The following DAB2IP variants were observed in gnomAD, a reference collection of about 807,000 sequenced individuals.
DAB2IP encodes DAB2 interacting protein.
DAB2IP carries 28 observed loss-of-function variants against 107.2 expected under a neutral mutation model. The ratio of observed to expected loss-of-function variants is 0.26; its 90% CI spans 0.19 to 0.36. The LOEUF (loss-of-function observed/expected upper bound fraction) is 0.36. DAB2IP is among the 10% of genes least tolerant of loss of function. The probability of loss-of-function intolerance (pLI) is 1.00; values close to 1 mark genes in which losing one functional copy is unlikely to be tolerated. For missense variants in DAB2IP, 1,400 were observed against 1,644.7 expected, an observed-to-expected ratio of 0.85 and a Z score of 2.57; for synonymous variants, 755 against 706.4, an observed-to-expected ratio of 1.07 and a Z score of -1.09.
intron 3 of DAB2IP, among the ~76,000 whole-genome samples, chr9:121,755,618 T>C (rs1833424251): frequency 6.6e-6 from 1 of 152,174 alleles, no homozygotes; most frequent in Non-Finnish European, 1.5e-5. Context: ...GGGAGGGCTC[T>C]TATGCTCAGA....
chr9:121,756,519 T>C (rs1415504917), intron 3 of DAB2IP, among the ~76,000 whole-genome samples: 1 of 152,206 alleles, frequency 6.6e-6, no homozygotes, highest in African/African-American at 2.4e-5. Context: ...CTCGTGTGGG[T>C]CTGCTGGTGT....
At chr9:121,575,840 G>A (rs1407145011) in intron 1 of DAB2IP, among the ~76,000 whole-genome samples, 1 of 152,164 alleles carries the variant, frequency 6.6e-6, no homozygotes, top group Admixed American at 6.5e-5. Flanking sequence ...TCCTCCCAAG[G>A]TCTCAACTCT....
At chr9:121,766,846 GT>G in intron 9 of DAB2IP, 116 bp downstream of exon 9, 1 of 1,040,512 alleles carries the variant, frequency 9.6e-7, no homozygotes, top group Non-Finnish European at 1.4e-6. Context: ...CCCTGGTTTT[GT>G]CCCTGTCATC....
chr9:121,717,474 C>T (rs914586830), intron 3 of DAB2IP, among the ~76,000 whole-genome samples: 1 of 152,246 alleles, frequency 6.6e-6, no homozygotes, highest in Non-Finnish European at 1.5e-5. Flanking sequence ...CATGTGGATC[C>T]TGAGAATCCG....
At position 121,599,344 on chromosome 9, in the gene DAB2IP, G is replaced by C. The variant is rs529154805; in HGVS notation, c.40+32116G>C. Among the ~76,000 whole-genome samples the C allele has an allele frequency of 2.4e-4, 37 of 152,296 alleles. No homozygotes were observed. The highest frequency in any genetic ancestry group is 5.0e-4 in the Non-Finnish European group (34 of 68,006). On this transcript the variant is annotated intron_variant, in intron 1 of 16. Coordinates refer to the DAB2IP transcript ENST00000259371. The surrounding 1 kb of genome is among the most constrained non-coding windows in gnomAD (Gnocchi z 6.9). The stretch of plus-strand genomic sequence containing the variant: ...AGGCTGGGGAGCGTGTGCTCGGAGC[G>C]GAGGGCCTCGGCTCTGCCCAGTCCG...
chr9:121,713,244 C>T (rs1318584169), intron 3 of DAB2IP, among the ~76,000 whole-genome samples: 1 of 152,186 alleles, frequency 6.6e-6, no homozygotes, highest in Admixed American at 6.5e-5. Flanking sequence ...TCAGCTCTTT[C>T]CTCTTGGCCA....
intron 1 of DAB2IP, among the ~76,000 whole-genome samples, chr9:121,666,263 T>C (rs370757319): frequency 5.3e-5 from 8 of 152,276 alleles, no homozygotes; most frequent in African/African-American, 1.9e-4. Context: ...CCCACCCAGG[T>C]AATCCAAGAT....
chr9:121,577,377 A>T (rs1012330407), intron 1 of DAB2IP, among the ~76,000 whole-genome samples: 4 of 152,210 alleles, frequency 2.6e-5, no homozygotes, highest in African/African-American at 9.7e-5. Context: ...GAAGCGTTCC[A>T]GCCGGTGACC....
At chr9:121,728,030 T>A (rs1416490411) in intron 3 of DAB2IP, among the ~76,000 whole-genome samples, 1 of 152,196 alleles carries the variant, frequency 6.6e-6, no homozygotes, top group African/African-American at 2.4e-5. Context: ...TCTGCCTGGG[T>A]CTTTTTTGGG....
intron 1 of DAB2IP, among the ~76,000 whole-genome samples, chr9:121,623,480 C>T (rs1831543131): frequency 6.6e-6 from 1 of 152,134 alleles, no homozygotes; most frequent in African/African-American, 2.4e-5. Context: ...GATCCTCCCA[C>T]CTCAGCCTCC....
At position 121,776,117 on chromosome 9, in the gene DAB2IP, A is replaced by G; in HGVS notation, c.3121-81A>G. On this transcript the variant is annotated intron_variant, in intron 13 of 15. Transcript: ENST00000408936. The surrounding 1 kb of genome is among the most constrained non-coding windows in gnomAD (Gnocchi z 5.4). Reference sequence around the variant, plus strand: ...GGCCTTTCAAGTGGGGCTCCCTCCTACCCTTCCTCCCACTCGGGCTGACGA... The same window carrying G: ...GGCCTTTCAAGTGGGGCTCCCTCCTGCCCTTCCTCCCACTCGGGCTGACGA... 2 of 1,498,406 alleles carry G rather than the reference A, an allele frequency of 1.3e-6. No homozygotes were observed. The highest frequency in any genetic ancestry group is 1.4e-5 in the African/African-American group (1 of 71,570). 92.8% of individuals were successfully genotyped at this position (1,498,406 alleles called of 1,614,324 possible). A position where few individuals can be genotyped will look rare whatever the true frequency, so the allele number is the denominator to read the frequency against.
intron 1 of DAB2IP, among the ~76,000 whole-genome samples, chr9:121,598,988 G>C (rs1199153380): frequency 6.6e-6 from 1 of 152,202 alleles, no homozygotes; most frequent in Non-Finnish European, 1.5e-5. Flanking sequence ...GTTTCTGTTG[G>C]TGGGAGTGCT....
At chr9:121,672,703 G>A (rs759873469) in intron 1 of DAB2IP, among the ~76,000 whole-genome samples, 38 of 152,296 alleles carry the variant, frequency 2.5e-4, no homozygotes, top group South Asian at 1.2e-3. Context: ...AGTTTGAGCC[G>A]AGGAGGAAAG....
At chr9:121,708,918 A>C (rs1374588430) in intron 3 of DAB2IP, among the ~76,000 whole-genome samples, 2 of 152,166 alleles carry the variant, frequency 1.3e-5, no homozygotes, top group African/African-American at 4.8e-5. Context: ...CTGCACTCCC[A>C]ACTAAGGAGG....
chr9:121,686,339 C>T (rs866727262), intron 2 of DAB2IP, among the ~76,000 whole-genome samples: 7 of 152,310 alleles, frequency 4.6e-5, no homozygotes, highest in African/African-American at 1.7e-4. Context: ...AACAAGCCAG[C>T]CTCTGTACCC....
In DAB2IP at chr9:121,701,512, G is replaced by C. The variant is rs933260617; in HGVS notation, c.362+2054G>C. On this transcript the variant is annotated intron_variant, in intron 3 of 15. Coordinates refer to ENST00000408936, the Ensembl canonical transcript of DAB2IP. The surrounding 1 kb of genome is among the most constrained non-coding windows in gnomAD (Gnocchi z 4.7). ...TTTTCTATAAACAAAATATGGCTTG[G>C]TGGCCTCTCTGGCACAGGAAGGGAG... 2.0e-5 allele frequency among the ~76,000 whole-genome samples: 3 copies of C among 152,208 alleles called. No individual in the cohort carries two copies. The highest frequency in any genetic ancestry group is 4.4e-5 in the Non-Finnish European group (3 of 68,048).
chr9:121,751,037 A>G (rs1833077424), intron 3 of DAB2IP: 1 of 173,898 alleles, frequency 5.8e-6, no homozygotes, highest in South Asian at 9.6e-5. Flanking sequence ...CCCCACCTGG[A>G]GTGAGTGGGT....
At chr9:121,652,862 G>A (rs1376387972) in intron 1 of DAB2IP, among the ~76,000 whole-genome samples, 1 of 152,200 alleles carries the variant, frequency 6.6e-6, no homozygotes, top group Non-Finnish European at 1.5e-5. Context: ...TCTTGTCGGT[G>A]TGAGGGTAAA....
At chr9:121,738,584 A>T (rs913143263) in intron 3 of DAB2IP, among the ~76,000 whole-genome samples, 4 of 152,180 alleles carry the variant, frequency 2.6e-5, no homozygotes, top group African/African-American at 9.7e-5. Flanking sequence ...GCCTGCAGTC[A>T]TCCACCTGTT....
Sources: allele counts gnomAD v4.1 joint callset (sites outside exome capture counted in the v4.1 genomes callset), GRCh38; gene constraint gnomAD v4.1.1; non-coding constraint Gnocchi (gnomAD v3.1); transcripts MANE v1.5; gene names NCBI Gene and HGNC (gene_info 2026-07-23, HGNC 2026-07-21).